The following GBP2 variants were observed in gnomAD, a reference collection of about 807,000 sequenced individuals.
GBP2 encodes the protein guanylate-binding protein 2.
GBP2 carries 54 observed loss-of-function variants against 60.8 expected under a neutral mutation model. The observed-to-expected ratio is 0.89, with a 90% CI of 0.71 to 1.11. The LOEUF (loss-of-function observed/expected upper bound fraction) is 1.11, where lower values mean the gene tolerates loss of function less well. Among genes scored for constraint, GBP2 ranks in the 50% most tolerant of loss-of-function variants. GBP2 has a pLI of 0.00. For synonymous variants in GBP2, 243 were observed against 256.5 expected, an observed-to-expected ratio of 0.95 and a Z score of 0.50; for missense variants, 665 against 703.3, an observed-to-expected ratio of 0.95 and a Z score of 0.62.
rs1304776511 is a variant in GBP2 at position 89,110,159 on chromosome 1, C to A, written c.1465+5G>T. 6.4e-7 allele frequency: 1 copy of A among 1,573,886 alleles called. No individual in the cohort carries two copies. The highest frequency in any genetic ancestry group is 1.1e-5 in the South Asian group (1 of 90,148). On this transcript the variant is annotated splice_donor_5th_base_variant and intron_variant, in intron 9 of 10. Transcript: ENST00000370466. The stretch of plus-strand genomic sequence containing the variant: ...ACCATGTAGAGTGTTTTCAGCTGTT[C>A]TCACCTTCAATCGCTTTTTCCTTTT...
intron 3 of GBP2, 151 bp downstream of exon 3, chr1:89,120,992 C>A (rs547233555): frequency 3.0e-6 from 1 of 330,014 alleles, no homozygotes; most frequent in Admixed American, 4.8e-5. Flanking sequence ...TTATACCACA[C>A]AAATTTTAAG....
In GBP2 at chr1:89,114,141, G is replaced by A; in HGVS notation, c.1024C>T (p.Gln342Ter). The A allele has an allele frequency of 6.2e-7, 1 of 1,614,180 alleles. No homozygotes were observed. Among genetic ancestry groups the A allele is most frequent in the Non-Finnish European group, 8.5e-7 (1 of 1,180,022 alleles). ...TCCTGGAGGGTTTCCGTGGGCAGCT[G>A]CACCTTCTGGCCCATCTGCTGTTCA... ...HYEQQMGQKV[Q>*]LPTETLQELL... Residue 342 changes from glutamine to a stop codon, truncating the protein, a stop_gained, in exon 7 of 11, where the codon CAG becomes TAG. Transcript: ENST00000370466. LOFTEE classifies it high-confidence loss of function.
chr1:89,109,308 T>C (rs902595212), intron 10 of GBP2, among the ~76,000 whole-genome samples: 1 of 152,184 alleles, frequency 6.6e-6, no homozygotes, highest in African/African-American at 2.4e-5. Context: ...GGCTAGATAT[T>C]TCTCTAGGTA....
rs537194337 is a variant in GBP2 at position 89,114,130 on chromosome 1, C to T, written c.1035G>A (p.Thr345=). ...QQMGQKVQLP[T]ETLQELLDLH... is the part of the protein sequence containing the mutation. ...GGTCCAGCAGCTCCTGGAGGGTTTCCGTGGGCAGCTGCACCTTCTGGCCCA... is the reference window on the plus strand; with the variant it reads ...GGTCCAGCAGCTCCTGGAGGGTTTCTGTGGGCAGCTGCACCTTCTGGCCCA... Residue 345 remains threonine (T), a synonymous_variant, in exon 7 of 11, where the codon ACG becomes ACA. Transcript: ENST00000370466. 5.5e-5 allele frequency: 88 copies of T among 1,614,204 alleles called. No homozygotes were observed. Among genetic ancestry groups the T allele is most frequent in the South Asian group, 9.9e-5 (9 of 91,086 alleles).
intron 7 of GBP2, among the ~76,000 whole-genome samples, 189 bp downstream of exon 7, chr1:89,113,827 A>T (rs1032458532): frequency 2.0e-5 from 3 of 152,208 alleles, no homozygotes; most frequent in African/African-American, 7.2e-5. Flanking sequence ...AACTAACAAA[A>T]GCAAATTTTA....
In GBP2 at chr1:89,120,287, C is replaced by A; in HGVS notation, c.320G>T (p.Gly107Val). Residue 107 changes from glycine (G) to valine (V), a missense_variant and splice_region_variant, in exon 4 of 11, where the codon GGT (glycine) becomes GTT (valine). Transcript: ENST00000370466. ...GATCCAGGAGTCATTCTCATTGTCA[C>A]CCTGTAAGTCATTGTAGAAGCCACA... ...DTEGLGDIEK[G>V]DNENDSWIFA... The A allele has an allele frequency of 6.2e-7, 1 of 1,610,850 alleles. No homozygotes were observed. Among genetic ancestry groups the A allele is most frequent in the Non-Finnish European group, 8.5e-7 (1 of 1,177,134 alleles).
intron 1 of GBP2, among the ~76,000 whole-genome samples, chr1:89,123,640 T>C (rs1163088311): frequency 3.3e-5 from 5 of 152,266 alleles, no homozygotes; most frequent in African/African-American, 4.8e-5. Context: ...GTCAAAACAC[T>C]GTATTCCAAA....
intron 7 of GBP2, among the ~76,000 whole-genome samples, chr1:89,113,607 TC>T (rs2100613644): frequency 6.6e-6 from 1 of 152,318 alleles, no homozygotes; most frequent in African/African-American, 2.4e-5. Context: ...AATTTCTCTT[TC>T]TTGGCCTTCT....
At chr1:89,116,947 G>A (rs1189614603) in intron 6 of GBP2, 45 bp downstream of exon 6, 3 of 1,604,894 alleles carry the variant, frequency 1.9e-6, no homozygotes, top group Non-Finnish European at 2.6e-6. Flanking sequence ...ACAATGGGCA[G>A]AAGGAGAAAG....
chr1:89,119,925 C>A, intron 4 of GBP2: 1 of 402,230 alleles, frequency 2.5e-6, no homozygotes, highest in Non-Finnish European at 4.6e-6. Context: ...AAGGTTTGGA[C>A]AGGCATAGGA....
At chr1:89,112,171 C>T (rs956138014) in intron 8 of GBP2, among the ~76,000 whole-genome samples, 9 of 152,030 alleles carry the variant, frequency 5.9e-5, no homozygotes, top group East Asian at 5.8e-4. Context: ...TTTTAACTGC[C>T]GTATCCCCAG....
chr1:89,121,394 A>G (rs1331618355), intron 2 of GBP2, 124 bp from the exon 3 acceptor site: 1 of 838,214 alleles, frequency 1.2e-6, no homozygotes, highest in East Asian at 2.8e-5. Context: ...ATAAATCTTA[A>G]TTACAATCCT....
chr1:89,109,915 T>C, intron 9 of GBP2, 45 bp from the exon 10 acceptor site: 2 of 1,522,146 alleles, frequency 1.3e-6, no homozygotes, highest in Non-Finnish European at 1.8e-6. Context: ...TATTCAATTG[T>C]AGGTGTTCCC....
Position 89,117,132 on chromosome 1 carries a change from TTC to T in GBP2, c.726_727del (p.Lys243ValfsTer16), listed in dbSNP as rs1400868004. ...TAGCTGCTCTAGGTGAGCAAGGTAC[TTC>T]TTAGGAGCGGGCCAATCGAAGACGA... On this transcript the variant is annotated frameshift_variant, in exon 6 of 11. Coordinates refer to ENST00000370466, the MANE Select transcript of GBP2 (RefSeq NM_004120.5). LOFTEE classifies it high-confidence loss of function. The T allele has an allele frequency of 3.1e-6, 5 of 1,614,186 alleles. No homozygotes were observed. The Admixed American group carries it at 8.3e-5, about 27-fold the overall frequency.
chr1:89,117,754 C>T lies in GBP2; in HGVS notation c.448G>A (p.Asp150Asn). ...GGTGAGGAGTTTGCCTTGATTCGAT[C>T]TGTCAGCTCTGTCACATAGCTGAGA... ...DQLHYVTELT[D>N]RIKANSSPGN... Residue 150 changes from aspartate to asparagine, a missense_variant, in exon 5 of 11, where the codon GAT becomes AAT. By Grantham distance (23) the Asp-to-Asn change is conservative (BLOSUM62 1). Transcript: ENST00000370466. The T allele has an allele frequency of 6.2e-7, 1 of 1,609,790 alleles. No individual in the cohort carries two copies. Among genetic ancestry groups the T allele is most frequent in the Non-Finnish European group, 8.5e-7 (1 of 1,178,356 alleles).
In GBP2 at chr1:89,112,561, A is replaced by AT; in HGVS notation, c.1272dup (p.Phe425IlefsTer3). On this transcript the variant is annotated frameshift_variant, in exon 8 of 11. Coordinates refer to ENST00000370466, the MANE Select transcript of GBP2 (RefSeq NM_004120.5). LOFTEE classifies it high-confidence loss of function. Reference sequence around the variant, plus strand: ...AGACGGTAACCTCCTGGTTTAGAAAATGTTCCCTGCTTGACATCTTCTTCT... The same window carrying AT: ...AGACGGTAACCTCCTGGTTTAGAAAATTGTTCCCTGCTTGACATCTTCTTCT... 6.2e-7 allele frequency: 1 copy of AT among 1,614,164 alleles called. No individual in the cohort carries two copies. Among genetic ancestry groups the AT allele is most frequent in the Non-Finnish European group, 8.5e-7 (1 of 1,180,016 alleles).
intron 4 of GBP2, 154 bp from the exon 5 acceptor site, chr1:89,117,927 A>G (rs2100617073): frequency 1.5e-6 from 1 of 653,242 alleles, no homozygotes; most frequent in African/African-American, 1.8e-5. Context: ...ACAAACATTT[A>G]TTGAGCACCT....
Position 89,107,636 on chromosome 1 carries a change from C to A in GBP2, c.*539G>T, listed in dbSNP as rs1681080899. On this transcript the variant is annotated 3_prime_UTR_variant, in exon 11 of 11. Transcript: ENST00000370466. ...AAAAGCCTAGTTAAGTGTCCCAGAT[C>A]TCCTTTATTTGCAGCCAGCATGCCA... Among the ~76,000 whole-genome samples the A allele has an allele frequency of 6.6e-6, 1 of 152,212 alleles. No homozygotes were observed. The highest frequency in any genetic ancestry group is 2.4e-5 in the African/African-American group (1 of 41,462).
rs543450806 is a variant in GBP2 at position 89,108,010 on chromosome 1, C to A, written c.*165G>T. On this transcript the variant is annotated 3_prime_UTR_variant, in exon 11 of 11. Transcript: ENST00000370466. ...AATTGCTCTGTAGGTAAAACATTGA[C>A]CTCATACTTAACCTTTACTTTGCAA... 5.3e-6 allele frequency: 3 copies of A among 567,650 alleles called. No individual in the cohort carries two copies. The allele number at this position is 567,650 out of a possible 1,614,324, so 35.2% of individuals were successfully genotyped here. A position where few individuals can be genotyped will look rare whatever the true frequency, so the allele number is the denominator to read the frequency against.
Sources: gnomAD v4.1 joint callset for allele counts (sites outside exome capture counted in the v4.1 genomes callset) on GRCh38, gnomAD v4.1.1 for gene constraint, MANE v1.5 for transcripts, NCBI Gene and HGNC (gene_info 2026-07-23, HGNC 2026-07-21) for gene names.